Variants in NPAS3 observed in about 807,000 individuals in gnomAD.
NPAS3 encodes neuronal PAS domain protein 3.
A neutral mutation model predicts 73.1 loss-of-function variants in NPAS3; 14 were observed. That is an observed-to-expected ratio of 0.19 (90% CI 0.13 to 0.30). NPAS3 has a LOEUF of 0.30. Among genes scored for constraint, NPAS3 ranks in the 10% least tolerant of loss-of-function variants. The pLI, the probability that NPAS3 is intolerant of heterozygous loss-of-function variation, is 1.00. For synonymous variants in NPAS3, 620 were observed against 541.5 expected, an observed-to-expected ratio of 1.14 and a Z score of -2.01; for missense variants, 1,096 against 1,250.0, an observed-to-expected ratio of 0.88 and a Z score of 1.86.
chr14:33,429,405 T>C (rs553387526), intron 4 of NPAS3, among the ~76,000 whole-genome samples: 92 of 152,106 alleles, frequency 6.0e-4, no homozygotes, highest in Admixed American at 1.5e-3. Flanking sequence ...GGACTTGTAC[T>C]GTAGAGACCA....
At chr14:33,726,655 C>G (rs8016849) in intron 6 of NPAS3, among the ~76,000 whole-genome samples, 1 of 151,952 alleles carries the variant, frequency 6.6e-6, no homozygotes, top group East Asian at 1.9e-4. Flanking sequence ...ATTATTGTAT[C>G]TATTTTTGCT....
chr14:33,284,250 C>T (rs1303131594), intron 3 of NPAS3, among the ~76,000 whole-genome samples: 1 of 152,066 alleles, frequency 6.6e-6, no homozygotes, highest in Non-Finnish European at 1.5e-5. Flanking sequence ...ACCTCGCATA[C>T]CCTCATGTTT....
intron 3 of NPAS3, among the ~76,000 whole-genome samples, chr14:33,301,276 C>A (rs1326533614): frequency 1.5e-5 from 2 of 132,756 alleles, no homozygotes; most frequent in Non-Finnish European, 1.6e-5. Flanking sequence ...ATCATTCAGG[C>A]CACCTCTAAA....
chr14:33,247,985 T>C (rs74042005), intron 3 of NPAS3, among the ~76,000 whole-genome samples: 1,710 of 152,328 alleles, frequency 0.011, 41 homozygotes, highest in African/African-American at 0.039. Context: ...CGGTATAGTT[T>C]AGCTAACTAG....
intron 3 of NPAS3, among the ~76,000 whole-genome samples, chr14:33,299,130 C>A (rs936507451): frequency 1.3e-5 from 2 of 152,156 alleles, no homozygotes; most frequent in Non-Finnish European, 2.9e-5. Context: ...GTCTATATAC[C>A]AAAGTTAAGC....
At chr14:33,173,444 G>A (rs1323326629) in intron 2 of NPAS3, among the ~76,000 whole-genome samples, 2 of 152,108 alleles carry the variant, frequency 1.3e-5, no homozygotes, top group African/African-American at 4.8e-5. Flanking sequence ...ATATATAGCA[G>A]AGAGAGATAG....
chr14:33,411,726 C>T (rs1385274962), intron 4 of NPAS3, among the ~76,000 whole-genome samples: 1 of 152,118 alleles, frequency 6.6e-6, no homozygotes, highest in East Asian at 1.9e-4. Context: ...CTTTTCTCCT[C>T]TTCTTTGACT....
chr14:33,427,881 T>A (rs1425469197), intron 4 of NPAS3, among the ~76,000 whole-genome samples: 1 of 152,062 alleles, frequency 6.6e-6, no homozygotes, highest in African/African-American at 2.4e-5. Context: ...GGTAGTAATG[T>A]TGGTAGTGGA....
intron 4 of NPAS3, among the ~76,000 whole-genome samples, chr14:33,391,282 C>T (rs2046993505): frequency 6.6e-6 from 1 of 150,962 alleles, no homozygotes; most frequent in South Asian, 2.1e-4. Flanking sequence ...CAACCTCTGC[C>T]TCGCAGGTTT....
intron 3 of NPAS3, among the ~76,000 whole-genome samples, chr14:33,305,496 G>A (rs1165706720): frequency 1.3e-5 from 2 of 152,024 alleles, no homozygotes; most frequent in Non-Finnish European, 2.9e-5. Flanking sequence ...TGTGAATGGG[G>A]CTCTTAATAA....
chr14:33,188,054 G>A (rs1162333908), intron 2 of NPAS3, among the ~76,000 whole-genome samples: 2 of 152,144 alleles, frequency 1.3e-5, no homozygotes, highest in East Asian at 3.9e-4. Flanking sequence ...ACCAAGTGAT[G>A]GTGTGAGGAC....
intron 2 of NPAS3, among the ~76,000 whole-genome samples, chr14:33,192,827 T>A (rs2046219052): frequency 6.6e-6 from 1 of 152,230 alleles, no homozygotes. Flanking sequence ...CAGTGTCACC[T>A]AAATTGAAAT....
intron 3 of NPAS3, among the ~76,000 whole-genome samples, chr14:33,329,039 T>C (rs907332069): frequency 6.6e-6 from 1 of 151,970 alleles, no homozygotes; most frequent in Non-Finnish European, 1.5e-5. Flanking sequence ...TTAATTTTAC[T>C]GCTGTCTGGA....
chr14:33,745,927 C>A (rs2061777358), intron 7 of NPAS3, among the ~76,000 whole-genome samples: 1 of 152,112 alleles, frequency 6.6e-6, no homozygotes, highest in Admixed American at 6.6e-5. Flanking sequence ...ACTAATATAG[C>A]CCTTAATGCA....
intron 3 of NPAS3, among the ~76,000 whole-genome samples, chr14:33,355,584 C>T (rs1164928883): frequency 6.6e-6 from 1 of 152,182 alleles, no homozygotes; most frequent in African/African-American, 2.4e-5. Context: ...AGGCGTGAGC[C>T]ACTGTGCCCA....
At chr14:32,982,810 C>T (rs1051431546) in intron 1 of NPAS3, among the ~76,000 whole-genome samples, 3 of 152,158 alleles carry the variant, frequency 2.0e-5, no homozygotes, top group Non-Finnish European at 4.4e-5. Flanking sequence ...TCAATTTCCC[C>T]GGTTGCTAAT....
chr14:33,234,467 C>T (rs896198168), intron 3 of NPAS3, among the ~76,000 whole-genome samples: 7 of 152,072 alleles, frequency 4.6e-5, no homozygotes, highest in African/African-American at 1.7e-4. Context: ...TATTAAATGC[C>T]ATTTTTCCTT....
chr14:33,396,876 C>A (rs2047246579), intron 4 of NPAS3, among the ~76,000 whole-genome samples: 1 of 152,122 alleles, frequency 6.6e-6, no homozygotes, highest in Non-Finnish European at 1.5e-5. Context: ...GGAGCATGCA[C>A]AAATGCTTTA....
chr14:33,638,268 C>T (rs917860254), intron 5 of NPAS3, among the ~76,000 whole-genome samples: 7 of 152,134 alleles, frequency 4.6e-5, no homozygotes, highest in Non-Finnish European at 8.8e-5. Flanking sequence ...ATTTTATACT[C>T]ATAATCTTAT....
Sources: gnomAD v4.1 joint callset for allele counts (sites outside exome capture counted in the v4.1 genomes callset) on GRCh38, gnomAD v4.1.1 for gene constraint, MANE v1.5 for transcripts, NCBI Gene and HGNC (gene_info 2026-07-23, HGNC 2026-07-21) for gene names.